NRCAM: variants seen among roughly 807,000 people sequenced by gnomAD.
NRCAM encodes the protein neuronal cell adhesion molecule, also known as NgCAM-related cell adhesion molecule.
A neutral mutation model predicts 156.5 loss-of-function variants in NRCAM; 83 were observed. The ratio of observed to expected loss-of-function variants is 0.53; its 90% CI spans 0.44 to 0.64. The LOEUF (loss-of-function observed/expected upper bound fraction) is 0.64. Ranked by LOEUF, NRCAM falls within the 30% of genes least tolerant of loss-of-function variation. NRCAM has a pLI of 0.00. For missense variants in NRCAM, 1,417 were observed against 1,597.3 expected (o/e 0.89, Z 1.92); for synonymous variants, 538 against 563.9 (o/e 0.95, Z 0.65).
intron 3 of NRCAM, among the ~76,000 whole-genome samples, chr7:108,278,614 G>A (rs2097737332): frequency 6.6e-6 from 1 of 152,220 alleles, no homozygotes; most frequent in Non-Finnish European, 1.5e-5. Context: ...CATAGGAAAA[G>A]CACAGTATTT....
At chr7:108,200,704 C>G (rs2077468186) in intron 13 of NRCAM, among the ~76,000 whole-genome samples, 1 of 150,660 alleles carries the variant, frequency 6.6e-6, no homozygotes, top group African/African-American at 2.4e-5. Flanking sequence ...GGAACCAGCC[C>G]AAATGCCATC....
chr7:108,286,761 C>G (rs982177237), intron 3 of NRCAM, among the ~76,000 whole-genome samples: 33 of 152,148 alleles, frequency 2.2e-4, no homozygotes, highest in African/African-American at 8.0e-4. Context: ...AAAGCCACGT[C>G]TGTGTTACTC....
intron 13 of NRCAM, among the ~76,000 whole-genome samples, chr7:108,205,861 T>TACACA (rs1188719700): frequency 1.3e-5 from 2 of 152,168 alleles, no homozygotes; most frequent in African/African-American, 4.8e-5. Flanking sequence ...AGTGCTGGGA[T>TACACA]TACAGGCTCA....
intron 3 of NRCAM, among the ~76,000 whole-genome samples, chr7:108,262,826 T>C (rs2154002588): frequency 6.6e-6 from 1 of 152,322 alleles, no homozygotes; most frequent in South Asian, 2.1e-4. Context: ...TTTTCCCCTT[T>C]TCTTCCTCCA....
At chr7:108,180,140 T>C in intron 25 of NRCAM, 83 bp downstream of exon 25, 1 of 1,186,382 alleles carries the variant, frequency 8.4e-7, no homozygotes, top group Non-Finnish European at 1.2e-6. Flanking sequence ...GAATATACTT[T>C]GATCAGTAGC....
intron 3 of NRCAM, among the ~76,000 whole-genome samples, chr7:108,256,419 A>G (rs2096665059): frequency 1.3e-5 from 2 of 149,352 alleles, no homozygotes; most frequent in African/African-American, 5.0e-5. Context: ...CAGATGCTTG[A>G]AGGCAGCATG....
intron 2 of NRCAM, among the ~76,000 whole-genome samples, chr7:108,313,033 T>C (rs530572096): frequency 2.0e-4 from 30 of 152,314 alleles, no homozygotes; most frequent in Non-Finnish European, 3.8e-4. Flanking sequence ...TTGTAATGTA[T>C]CTATACAGTG....
intron 1 of NRCAM, among the ~76,000 whole-genome samples, chr7:108,409,375 C>T (rs1328778358): frequency 6.6e-6 from 1 of 152,212 alleles, no homozygotes; most frequent in South Asian, 2.1e-4. Context: ...CCCACTCCTA[C>T]GAACAGTCTG....
intron 11 of NRCAM, among the ~76,000 whole-genome samples, chr7:108,214,787 T>C (rs1464187121): frequency 6.6e-6 from 1 of 152,252 alleles, no homozygotes; most frequent in Admixed American, 6.5e-5. Context: ...ATTGTGATCC[T>C]GGTACATTGT....
chr7:108,387,213 T>C (rs1005786796), intron 2 of NRCAM, among the ~76,000 whole-genome samples: 2 of 152,186 alleles, frequency 1.3e-5, no homozygotes, highest in East Asian at 1.9e-4. Context: ...TTAATCACTA[T>C]AGTTTCCCTT....
intron 6 of NRCAM, among the ~76,000 whole-genome samples, chr7:108,233,493 C>T (rs1269630): frequency 0.87 from 131,651 of 152,178 alleles, 57,136 homozygotes; most frequent in East Asian, 0.99. Context: ...CATATATCAA[C>T]AATGCTGAAG....
At chr7:108,403,606 T>C (rs2395995) in intron 1 of NRCAM, among the ~76,000 whole-genome samples, 38,354 of 152,110 alleles carry the variant, frequency 0.25, 5,121 homozygotes, top group Non-Finnish European at 0.28. Flanking sequence ...ATTTGCTGGA[T>C]AAAGGTTTTA....
intron 3 of NRCAM, among the ~76,000 whole-genome samples, chr7:108,282,582 T>C (rs2097902715): frequency 6.6e-6 from 1 of 152,342 alleles, no homozygotes; most frequent in Non-Finnish European, 1.5e-5. Context: ...TTTTTATATA[T>C]TCAAGGTTTT....
intron 3 of NRCAM, among the ~76,000 whole-genome samples, chr7:108,265,120 G>T (rs1464323359): frequency 6.6e-6 from 1 of 152,176 alleles, no homozygotes; most frequent in African/African-American, 2.4e-5. Flanking sequence ...GGCTCATACA[G>T]GGCTTTGGGA....
chr7:108,391,080 C>CT (rs1299049438), intron 2 of NRCAM, among the ~76,000 whole-genome samples: 2 of 152,158 alleles, frequency 1.3e-5, no homozygotes, highest in Non-Finnish European at 2.9e-5. Flanking sequence ...CTATAGATGT[C>CT]TATTAGGTCT....
chr7:108,363,240 G>A (rs1276430497), intron 2 of NRCAM, among the ~76,000 whole-genome samples: 1 of 152,106 alleles, frequency 6.6e-6, no homozygotes, highest in Non-Finnish European at 1.5e-5. Flanking sequence ...AATTTATGCA[G>A]ATACTCCACC....
At chr7:108,384,113 A>T (rs1185237396) in intron 2 of NRCAM, among the ~76,000 whole-genome samples, 1 of 152,184 alleles carries the variant, frequency 6.6e-6, no homozygotes, top group Non-Finnish European at 1.5e-5. Context: ...GGAGGGTGGG[A>T]GGAAGAAGCA....
intron 3 of NRCAM, among the ~76,000 whole-genome samples, chr7:108,251,602 T>C (rs2096352696): frequency 6.6e-6 from 1 of 152,200 alleles, no homozygotes; most frequent in African/African-American, 2.4e-5. Context: ...AGCTAAAAAT[T>C]AGATCCTTTG....
At chr7:108,393,866 G>A (rs1007648912) in intron 2 of NRCAM, among the ~76,000 whole-genome samples, 2 of 152,168 alleles carry the variant, frequency 1.3e-5, no homozygotes, top group Non-Finnish European at 2.9e-5. Flanking sequence ...ACATCACATG[G>A]CCCACGTATG....
Sources: allele counts gnomAD v4.1 joint callset (sites outside exome capture counted in the v4.1 genomes callset), GRCh38; gene constraint gnomAD v4.1.1; transcripts MANE v1.5; gene names NCBI Gene and HGNC (gene_info 2026-07-23, HGNC 2026-07-21).